Variants in CRYBG1 observed in about 807,000 individuals in gnomAD.
CRYBG1 encodes beta/gamma crystallin domain-containing protein 1.
In CRYBG1, 139 loss-of-function variants were observed where a neutral mutation model predicts 189.2. The ratio of observed to expected loss-of-function variants is 0.73; its 90% confidence interval spans 0.64 to 0.85. CRYBG1 has a LOEUF of 0.85. Among genes scored for constraint, CRYBG1 ranks in the 40% least tolerant of loss-of-function variants. The pLI, the probability that CRYBG1 is intolerant of heterozygous loss-of-function variation, is 0.00. For synonymous variants in CRYBG1, 1,023 were observed against 1,017.1 expected (o/e 1.01, Z -0.11); for missense variants, 2,611 against 2,675.8 (o/e 0.98, Z 0.53).
At chr6:106,451,893 T>C in intron 2 of CRYBG1, 61 bp downstream of exon 2, 2 of 1,425,898 alleles carry the variant, frequency 1.4e-6, no homozygotes, top group Admixed American at 2.4e-5. Context: ...GCTAAAGCAC[T>C]GTAAGATAGC....
intron 8 of CRYBG1, among the ~76,000 whole-genome samples, chr6:106,534,136 T>C (rs1237772077): frequency 6.6e-6 from 1 of 152,194 alleles, no homozygotes; most frequent in Non-Finnish European, 1.5e-5. Flanking sequence ...GAAAAAGGCA[T>C]CTGTTATCAT....
At chr6:106,515,390 A>T (rs1773394762) in intron 3 of CRYBG1, among the ~76,000 whole-genome samples, 1 of 152,202 alleles carries the variant, frequency 6.6e-6, no homozygotes, top group Non-Finnish European at 1.5e-5. Flanking sequence ...TCTTCGTGTA[A>T]ATCTTTAATG....
Position 106,520,882 on chromosome 6 carries a change from G to T in CRYBG1, c.3674G>T (p.Arg1225Met). 1 of 1,614,108 alleles carries T rather than the reference G, an allele frequency of 6.2e-7. No homozygotes were observed. Among genetic ancestry groups the T allele is most frequent in the Non-Finnish European group, 8.5e-7 (1 of 1,180,012 alleles). The change falls in exon 4 of 22, where the codon AGG becomes ATG. Residue 1225 changes from arginine (R) to methionine (M), a missense_variant. This residue lies in a region of CRYBG1 where 1,622 missense variants were observed against 1,735.0 expected (regional missense o/e 0.93). Coordinates refer to ENST00000633556, the MANE Select transcript of CRYBG1 (RefSeq NM_001371242.2). ...VMPEINDKEN[R>M]DVTNGGIKRS... ...CCGGAAATCAATGACAAAGAGAACA[G>T]GGACGTCACAAATGGTGGCATTAAG...
rs199666177 is a variant in CRYBG1, at chr6:106,512,819, C to T, written c.1702C>T (p.Pro568Ser). The change falls in exon 3 of 22, where the codon CCC (proline) becomes TCC (serine). Residue 568 changes from proline to serine, a missense_variant. By Grantham distance (74) the Pro-to-Ser change is moderately conservative. Transcript: ENST00000633556. ...CGGGGAGGAGGCGGCGCGGGCCATC[C>T]CCCGCGAGCTCCCGGTCAAGAGCAG... ...ESGEEAARAI[P>S]RELPVKSSSL... 4.5e-4 allele frequency: 715 copies of T among 1,575,794 alleles called. 8 individuals are homozygous for T. In the East Asian group the frequency reaches 0.016, roughly 36 times the overall value.
intron 1 of CRYBG1, among the ~76,000 whole-genome samples, chr6:106,448,891 C>A (rs1435316610): frequency 6.6e-6 from 1 of 152,140 alleles, no homozygotes; most frequent in African/African-American, 2.4e-5. Context: ...GGAGATTTCC[C>A]CCACTTCTAA....
chr6:106,555,347 G>A (rs1774510350), intron 16 of CRYBG1, among the ~76,000 whole-genome samples: 1 of 152,042 alleles, frequency 6.6e-6, no homozygotes, highest in Non-Finnish European at 1.5e-5. Context: ...TGAGGATAGA[G>A]GAGTGTGCGA....
chr6:106,382,628 A>G (rs1376155240), intron 1 of CRYBG1, among the ~76,000 whole-genome samples: 1 of 152,144 alleles, frequency 6.6e-6, no homozygotes, highest in South Asian at 2.1e-4. Flanking sequence ...TAAAAATCAA[A>G]TTTTCTACCA....
At chr6:106,418,710 T>C (rs1020914143) in intron 1 of CRYBG1, among the ~76,000 whole-genome samples, 20 of 152,232 alleles carry the variant, frequency 1.3e-4, no homozygotes, top group African/African-American at 4.8e-4. Flanking sequence ...AGCAATGTTA[T>C]TCGTCTGGGG....
chr6:106,471,814 A>AAAAAG (rs1230170494), intron 2 of CRYBG1, among the ~76,000 whole-genome samples: 6 of 149,948 alleles, frequency 4.0e-5, no homozygotes, highest in African/African-American at 1.2e-4. Flanking sequence ...AAAAAAAAAA[A>AAAAAG]AAGAAGAAGA....
chr6:106,469,147 G>C (rs556023576), intron 2 of CRYBG1, among the ~76,000 whole-genome samples: 1 of 152,144 alleles, frequency 6.6e-6, no homozygotes, highest in Non-Finnish European at 1.5e-5. Context: ...TGAACACACA[G>C]AACCCTTTCT....
Position 106,386,869 on chromosome 6 carries a change from C to T in CRYBG1, c.173+25788C>T, listed in dbSNP as rs76389016. ...CCCTGGACCACTATCCGTCCATGGC[C>T]CCAGGATTTGGGACCCCTGCTCTAG... is the stretch of plus-strand genomic sequence containing the variant. On this transcript the variant is annotated intron_variant, in intron 1 of 21. Transcript: ENST00000633556. Among the ~76,000 whole-genome samples the T allele has an allele frequency of 9.5e-3, 1,439 of 152,208 alleles. 32 individuals are homozygous for T. Among genetic ancestry groups the T allele is most frequent in the African/African-American group, 0.033 (1,375 of 41,520 alleles).
rs1190267427 is a variant in CRYBG1 at position 106,512,703 on chromosome 6, C to T, written c.1586C>T (p.Pro529Leu). Residue 529 changes from proline (P) to leucine (L), a missense_variant, in exon 3 of 22, where the codon CCC (proline) becomes CTC (leucine). Pro to Leu is a moderately conservative substitution (Grantham distance 98, BLOSUM62 -3). Coordinates refer to ENST00000633556, the MANE Select transcript of CRYBG1 (RefSeq NM_001371242.2). The stretch of plus-strand genomic sequence containing the variant: ...GCCCTCGAGGCCGTGCCCGCCCCGC[C>T]CGCCAGCGGCCCCCGGGCTCCCGCC... ...SRALEAVPAP[P>L]ASGPRAPAKE... 3 of 1,547,982 alleles carry T rather than the reference C, an allele frequency of 1.9e-6. No homozygotes were observed. The highest frequency in any genetic ancestry group is 2.0e-5 in the Admixed American group (1 of 50,438).
intron 1 of CRYBG1, among the ~76,000 whole-genome samples, chr6:106,446,543 T>C (rs568388325): frequency 1.3e-5 from 2 of 152,296 alleles, no homozygotes; most frequent in South Asian, 4.1e-4. Context: ...TACATTTTAT[T>C]ATTTTGGATG....
At chr6:106,554,765 C>T (rs1288731812) in intron 16 of CRYBG1, among the ~76,000 whole-genome samples, 3 of 152,192 alleles carry the variant, frequency 2.0e-5, no homozygotes, top group Admixed American at 6.5e-5. Flanking sequence ...TCTCAGCTCA[C>T]TAGAGTATTA....
Position 106,458,577 on chromosome 6 carries a change from G to C in CRYBG1, c.312+6745G>C, listed in dbSNP as rs193033755. On this transcript the variant is annotated intron_variant, in intron 2 of 21. Coordinates refer to ENST00000633556, the MANE Select transcript of CRYBG1 (RefSeq NM_001371242.2). ...ACATTATTTATAAATTTTTTTTCAT[G>C]AATGAAATGCATATATTCACAGTTT... Among the ~76,000 whole-genome samples, 29 of 152,164 alleles carry C rather than the reference G, an allele frequency of 1.9e-4. No homozygotes were observed. In the East Asian group the frequency reaches 4.8e-3, roughly 25 times the overall value.
rs182455804 is a variant in CRYBG1 at position 106,498,050 on chromosome 6, A to G, written c.313-13380A>G. On this transcript the variant is annotated intron_variant, in intron 2 of 21. Coordinates refer to ENST00000633556, the MANE Select transcript of CRYBG1 (RefSeq NM_001371242.2). ...CAGGAGGCAGAGGTTGCATTGAGCC[A>G]AGATCACACCACTGCACTCCAGCCT... Among the ~76,000 whole-genome samples, 31 of 151,894 alleles carry G rather than the reference A, an allele frequency of 2.0e-4. 2 individuals carry two copies. The South Asian group carries it at 6.2e-3, about 31-fold the overall frequency.
At chr6:106,427,241 A>G (rs1771243744) in intron 1 of CRYBG1, among the ~76,000 whole-genome samples, 1 of 152,204 alleles carries the variant, frequency 6.6e-6, no homozygotes, top group African/African-American at 2.4e-5. Context: ...CATCCCAGAC[A>G]CATGTGTCAA....
In CRYBG1 at chr6:106,491,604, A is replaced by G. The variant is rs184937756; in HGVS notation, c.313-19826A>G. On this transcript the variant is annotated intron_variant, in intron 2 of 21. Transcript: ENST00000633556. ...TGCGTCATGGAGTTCCTTTGGATTCATCTCTCTCTCTCAGTGTCTGCTTTC... is the reference window on the plus strand; with the variant it reads ...TGCGTCATGGAGTTCCTTTGGATTCGTCTCTCTCTCTCAGTGTCTGCTTTC... Among the ~76,000 whole-genome samples the G allele has an allele frequency of 2.5e-3, 380 of 151,402 alleles. 7 individuals are homozygous for G. The highest frequency in any genetic ancestry group is 9.7e-4 in the East Asian group (5 of 5,132).
At chr6:106,398,975 T>C (rs56137433) in intron 1 of CRYBG1, among the ~76,000 whole-genome samples, 12,315 of 152,270 alleles carry the variant, frequency 0.081, 639 homozygotes, top group East Asian at 0.15. Flanking sequence ...AGTCCTCTGG[T>C]GAAATATGCC....
Sources: gnomAD v4.1 joint callset for allele counts (sites outside exome capture counted in the v4.1 genomes callset) on GRCh38, gnomAD v4.1.1 for gene constraint, gnomAD v4.1.1 regional missense constraint, MANE v1.5 for transcripts, NCBI Gene and HGNC (gene_info 2026-07-23, HGNC 2026-07-21) for gene names.